The following PDCD6IP variants were observed in gnomAD, a reference collection of about 807,000 sequenced individuals.
PDCD6IP encodes programmed cell death 6-interacting protein.
PDCD6IP carries 43 observed loss-of-function variants against 103.7 expected under a neutral mutation model. That is an observed-to-expected ratio of 0.41 (90% CI 0.32 to 0.53). The LOEUF is 0.53. Among genes scored for constraint, PDCD6IP ranks in the 20% least tolerant of loss-of-function variants. PDCD6IP has a pLI of 0.16. For missense variants in PDCD6IP, 871 were observed against 1,036.7 expected, an observed-to-expected ratio of 0.84 and a Z score of 2.20; for synonymous variants, 354 against 378.7, an observed-to-expected ratio of 0.93 and a Z score of 0.76.
intron 15 of PDCD6IP, among the ~76,000 whole-genome samples, chr3:33,857,708 G>T (rs1174200035): frequency 6.6e-6 from 1 of 152,122 alleles, no homozygotes; most frequent in African/African-American, 2.4e-5. Flanking sequence ...AATAGATGAG[G>T]CAGAAGCATT....
intron 7 of PDCD6IP, among the ~76,000 whole-genome samples, chr3:33,833,696 G>A (rs889354593): frequency 3.9e-5 from 6 of 151,988 alleles, no homozygotes; most frequent in African/African-American, 7.2e-5. Flanking sequence ...TCTGCTTTGC[G>A]GCAATATTTC....
At chr3:33,834,546 G>A (rs1231207748) in intron 7 of PDCD6IP, among the ~76,000 whole-genome samples, 1 of 152,084 alleles carries the variant, frequency 6.6e-6, no homozygotes, top group East Asian at 1.9e-4. Context: ...TACCAGCTTT[G>A]GAGGTTAAGA....
At chr3:33,864,367 C>T (rs1214005409) in intron 16 of PDCD6IP, among the ~76,000 whole-genome samples, 1 of 152,018 alleles carries the variant, frequency 6.6e-6, no homozygotes, top group Non-Finnish European at 1.5e-5. Context: ...GCAAATAAAA[C>T]AAATGATAAA....
At chr3:33,851,199 CAG>C (rs764143336) in intron 12 of PDCD6IP, among the ~76,000 whole-genome samples, 16 of 152,022 alleles carry the variant, frequency 1.1e-4, no homozygotes, top group South Asian at 2.1e-4. Context: ...GTGAGAAAGA[CAG>C]GGGTGGAGAC....
chr3:33,856,524 C>G (rs1697832285), intron 15 of PDCD6IP, among the ~76,000 whole-genome samples: 1 of 152,064 alleles, frequency 6.6e-6, no homozygotes, highest in African/African-American at 2.4e-5. Flanking sequence ...GAATTTCTCT[C>G]AGAAGAAAAA....
intron 13 of PDCD6IP, among the ~76,000 whole-genome samples, chr3:33,853,432 G>GT (rs1697762897): frequency 6.6e-6 from 1 of 152,110 alleles, no homozygotes; most frequent in Non-Finnish European, 1.5e-5. Flanking sequence ...ATAATGCAAA[G>GT]TAAATATGTT....
chr3:33,807,875 T>A (rs1696632511), intron 1 of PDCD6IP, among the ~76,000 whole-genome samples: 1 of 152,242 alleles, frequency 6.6e-6, no homozygotes, highest in Admixed American at 6.5e-5. Flanking sequence ...TCAGAAAAAG[T>A]TTGCCAGTCC....
At position 33,822,044 on chromosome 3, in the gene PDCD6IP, AATGATGAAGGATT is replaced by A; in HGVS notation, c.425_437del (p.Asn142ArgfsTer26). 1 of 1,614,122 alleles carries A rather than the reference AATGATGAAGGATT, an allele frequency of 6.2e-7. No homozygotes were observed. Among genetic ancestry groups the A allele is most frequent in the Middle Eastern group, 1.6e-4 (1 of 6,062 alleles). On this transcript the variant is annotated frameshift_variant, in exon 4 of 18. Coordinates refer to ENST00000307296, the MANE Select transcript of PDCD6IP (RefSeq NM_013374.6). LOFTEE classifies it high-confidence loss of function. ...AATTGCAGCAGAACAGAACCTGGAT[AATGATGAAGGATT>A]GAAAATCGCTGCTAAACATTACCAG... is the stretch of plus-strand genomic sequence containing the variant.
chr3:33,839,757 C>T (rs1296749162), intron 9 of PDCD6IP, among the ~76,000 whole-genome samples: 1 of 152,150 alleles, frequency 6.6e-6, no homozygotes, highest in African/African-American at 2.4e-5. Context: ...GCATCCTCAC[C>T]AATACTTGGT....
intron 7 of PDCD6IP, among the ~76,000 whole-genome samples, chr3:33,829,628 G>A (rs1697203945): frequency 1.3e-5 from 2 of 152,158 alleles, no homozygotes; most frequent in Non-Finnish European, 2.9e-5. Context: ...AGGAGCAAGA[G>A]CTGTTTGTAT....
intron 8 of PDCD6IP, among the ~76,000 whole-genome samples, chr3:33,837,650 G>T (rs1444022949): frequency 6.6e-6 from 1 of 151,384 alleles, no homozygotes; most frequent in African/African-American, 2.4e-5. Flanking sequence ...GTGCAGTGGT[G>T]CAATCTCGGC....
At chr3:33,809,099 C>T (rs889838933) in intron 1 of PDCD6IP, among the ~76,000 whole-genome samples, 13 of 152,118 alleles carry the variant, frequency 8.5e-5, no homozygotes, top group Non-Finnish European at 1.8e-4. Context: ...AAAACGACAA[C>T]CTTCTTACCT....
At chr3:33,804,687 T>TA (rs1372205225) in intron 1 of PDCD6IP, among the ~76,000 whole-genome samples, 2 of 152,358 alleles carry the variant, frequency 1.3e-5, no homozygotes, top group Admixed American at 1.3e-4. Context: ...TGAGGTGCTT[T>TA]ACACAGGAGA....
chr3:33,835,577 G>A (rs1053552604), intron 7 of PDCD6IP, among the ~76,000 whole-genome samples: 1 of 152,160 alleles, frequency 6.6e-6, no homozygotes, highest in Admixed American at 6.5e-5. Context: ...AATTAGCTTG[G>A]TGTGGGGGTG....
chr3:33,858,678 C>T (rs1367849564), intron 15 of PDCD6IP, among the ~76,000 whole-genome samples: 2 of 151,958 alleles, frequency 1.3e-5, no homozygotes, highest in Non-Finnish European at 2.9e-5. Flanking sequence ...GGCGTGGTGG[C>T]GGGCGCCTGT....
intron 7 of PDCD6IP, among the ~76,000 whole-genome samples, chr3:33,831,732 CT>C (rs1247556206): frequency 2.0e-5 from 3 of 150,290 alleles, no homozygotes; most frequent in Non-Finnish European, 4.4e-5. Flanking sequence ...TTTTTTCTTT[CT>C]TTGAAATAGA....
chr3:33,863,907 A>AT, intron 15 of PDCD6IP, 99 bp from the exon 16 acceptor site: 1 of 764,996 alleles, frequency 1.3e-6, no homozygotes, highest in Non-Finnish European at 2.2e-6. Context: ...TTTGGAATCC[A>AT]TTTTCTATGT....
rs771635298 is a variant in PDCD6IP, at chr3:33,812,063, A to AT, written c.210-3dup. 1 of 1,588,558 alleles carries AT rather than the reference A, an allele frequency of 6.3e-7. No individual in the cohort carries two copies. Among genetic ancestry groups the AT allele is most frequent in the African/African-American group, 1.4e-5 (1 of 73,600 alleles). ...CTCTGGTAATTATTAATTCTGCTCT[A>AT]TTTTTTAGATATTATGATCAGATTT... On this transcript the variant is annotated splice_polypyrimidine_tract_variant and intron_variant, in intron 1 of 17. Transcript: ENST00000307296.
chr3:33,859,005 G>T (rs1336019714), intron 15 of PDCD6IP, among the ~76,000 whole-genome samples: 1 of 152,130 alleles, frequency 6.6e-6, no homozygotes, highest in Non-Finnish European at 1.5e-5. Context: ...AAAAAGAGTA[G>T]TGAAGGAATA....
Sources: allele counts gnomAD v4.1 joint callset (sites outside exome capture counted in the v4.1 genomes callset), GRCh38; gene constraint gnomAD v4.1.1; transcripts MANE v1.5; gene names NCBI Gene and HGNC (gene_info 2026-07-23, HGNC 2026-07-21).